Variants in FRYL observed in about 807,000 individuals in gnomAD.
FRYL encodes protein furry homolog-like.
In FRYL, 150 loss-of-function variants were observed where a neutral mutation model predicts 351.2. The observed-to-expected ratio is 0.43, with a 90% confidence interval of 0.37 to 0.49. FRYL has a LOEUF of 0.49. FRYL is among the 20% of genes least tolerant of loss of function. The pLI is 0.00. For synonymous variants in FRYL, 1,153 were observed against 1,257.1 expected (o/e 0.92, Z 1.75); for missense variants, 3,036 against 3,619.3 (o/e 0.84, Z 4.13).
chr4:48,654,695 T>C (rs1261489039), intron 3 of FRYL, among the ~76,000 whole-genome samples: 1 of 152,192 alleles, frequency 6.6e-6, no homozygotes, highest in Non-Finnish European at 1.5e-5. Context: ...GAAAATCTTA[T>C]AGTCAAAATG....
chr4:48,533,106 C>T (rs1728047602), intron 49 of FRYL, among the ~76,000 whole-genome samples: 2 of 152,084 alleles, frequency 1.3e-5, no homozygotes, highest in African/African-American at 4.8e-5. Context: ...GGGGAGTGTG[C>T]AGTTCACTTA....
rs774333317 is a variant in FRYL at position 48,634,349 on chromosome 4, A to G, written c.62T>C (p.Phe21Ser). The G allele has an allele frequency of 6.2e-7, 1 of 1,613,616 alleles. No individual in the cohort carries two copies. The highest frequency in any genetic ancestry group is 8.5e-7 in the Non-Finnish European group (1 of 1,179,726). Residue 21 changes from phenylalanine (F) to serine (S), a missense_variant, in exon 4 of 64, where the codon TTT (phenylalanine) becomes TCT (serine). By Grantham distance (155) the Phe-to-Ser change is radical (BLOSUM62 -2). Around this residue, in one of 7 missense-constraint regions of FRYL, gnomAD observed 457 missense variants for 566.6 expected, o/e 0.81. Coordinates refer to ENST00000358350, the MANE Select transcript of FRYL (RefSeq NM_015030.2). Reference protein sequence around the residue: ...KPGEYVIKSLFAEFAVQAEKK... With the variant: ...KPGEYVIKSLSAEFAVQAEKK... ...TTCAGCTTGAACAGCAAATTCTGCAAAGAGGCTCTTGATGACATATTCACC... is the reference window on the plus strand; with the variant it reads ...TTCAGCTTGAACAGCAAATTCTGCAGAGAGGCTCTTGATGACATATTCACC...
chr4:48,694,985 T>G (rs759362185), intron 2 of FRYL, among the ~76,000 whole-genome samples: 1 of 152,084 alleles, frequency 6.6e-6, no homozygotes, highest in Non-Finnish European at 1.5e-5. Flanking sequence ...TCACCTAAGC[T>G]TGGTAGGTAG....
chr4:48,535,686 T>C lies in FRYL; in HGVS notation c.6535A>G (p.Thr2179Ala). Reference protein sequence around the residue: ...RYLHDSFSDTTFNLVTYLAEL... With the variant: ...RYLHDSFSDTAFNLVTYLAEL... The stretch of plus-strand genomic sequence containing the variant: ...GCAAGATAAGTCACAAGATTAAATG[T>C]TGTATCTGAGAAGGAGTCATGCAGG... The change falls in exon 48 of 64, where the codon ACA (threonine) becomes GCA (alanine). Residue 2179 changes from threonine to alanine, a missense_variant. By Grantham distance (58) the Thr-to-Ala change is moderately conservative. Transcript: ENST00000358350. 1.3e-6 allele frequency: 2 copies of C among 1,589,872 alleles called. No homozygotes were observed. The highest frequency in any genetic ancestry group is 1.2e-5 in the South Asian group (1 of 85,314).
intron 55 of FRYL, among the ~76,000 whole-genome samples, chr4:48,518,253 A>T (rs1027482523): frequency 6.6e-6 from 1 of 152,198 alleles, no homozygotes; most frequent in African/African-American, 2.4e-5. Context: ...TGAAAGGAAT[A>T]TAGTCTACTT....
intron 17 of FRYL, among the ~76,000 whole-genome samples, chr4:48,590,299 G>C (rs1450429038): frequency 2.6e-5 from 4 of 151,996 alleles, no homozygotes; most frequent in African/African-American, 4.8e-5. Flanking sequence ...GCCTGGTCAA[G>C]GTGGCAAAAC....
chr4:48,543,776 C>A, intron 44 of FRYL, 31 bp downstream of exon 44: 2 of 1,590,520 alleles, frequency 1.3e-6, no homozygotes, highest in South Asian at 2.2e-5. Flanking sequence ...AGTAGCTGCT[C>A]AATAACTGCT....
At chr4:48,753,968 TAA>T (rs1225077240) in intron 1 of FRYL, among the ~76,000 whole-genome samples, 4 of 152,204 alleles carry the variant, frequency 2.6e-5, no homozygotes, top group Non-Finnish European at 5.9e-5. Flanking sequence ...ACCATAAATG[TAA>T]AGACTTATTT....
chr4:48,661,626 G>T (rs1200485732), intron 3 of FRYL, among the ~76,000 whole-genome samples: 1 of 152,172 alleles, frequency 6.6e-6, no homozygotes. Flanking sequence ...GCAAGTAACT[G>T]CCTTCCAAAA....
intron 2 of FRYL, among the ~76,000 whole-genome samples, chr4:48,686,632 G>A (rs1486422062): frequency 1.3e-5 from 2 of 152,164 alleles, no homozygotes; most frequent in South Asian, 2.1e-4. Flanking sequence ...CACAAAACCA[G>A]TCACTACTGG....
At position 48,675,397 on chromosome 4, in the gene FRYL, TC is replaced by T. The variant is rs1393237278; in HGVS notation, c.-81+9275del. 5.9e-5 allele frequency among the ~76,000 whole-genome samples: 9 copies of T among 152,302 alleles called. No homozygotes were observed. The East Asian group carries it at 1.7e-3, about 29-fold the overall frequency. The stretch of plus-strand genomic sequence containing the variant: ...GCGGCGCTTGCGGGCCAGCTGGAGT[TC>T]CGGGTGGGCGTGGGCTTGCCAGGCC... On this transcript the variant is annotated intron_variant, in intron 3 of 63. Coordinates refer to ENST00000358350, the MANE Select transcript of FRYL (RefSeq NM_015030.2).
intron 24 of FRYL, 113 bp from the exon 25 acceptor site, chr4:48,575,354 T>A: frequency 9.1e-7 from 1 of 1,102,548 alleles, no homozygotes; most frequent in African/African-American, 1.6e-5. Context: ...GAAACTTTAC[T>A]ATGAATGATA....
chr4:48,514,427 A>G (rs188999613), intron 56 of FRYL, among the ~76,000 whole-genome samples: 1 of 152,282 alleles, frequency 6.6e-6, no homozygotes, highest in East Asian at 1.9e-4. Flanking sequence ...AGCTATATAT[A>G]ACATATGATT....
chr4:48,504,311 G>GA (rs1380850271), intron 60 of FRYL, among the ~76,000 whole-genome samples: 1 of 152,098 alleles, frequency 6.6e-6, no homozygotes, highest in African/African-American at 2.4e-5. Flanking sequence ...AAATATAAAT[G>GA]AAAGTGTTAA....
intron 1 of FRYL, among the ~76,000 whole-genome samples, chr4:48,746,855 C>T (rs1334456876): frequency 6.6e-6 from 1 of 152,190 alleles, no homozygotes; most frequent in South Asian, 2.1e-4. Context: ...AGGCCAGGTG[C>T]TAGACATGTG....
chr4:48,591,201 T>C (rs1172986526), intron 16 of FRYL, among the ~76,000 whole-genome samples: 2 of 152,138 alleles, frequency 1.3e-5, no homozygotes, highest in Non-Finnish European at 2.9e-5. Flanking sequence ...ATCTCTCAAT[T>C]ACAAATCACA....
In FRYL at chr4:48,715,547, C is replaced by T. The variant is rs1334776690; in HGVS notation, c.-383-4849G>A. Among the ~76,000 whole-genome samples the T allele has an allele frequency of 2.4e-3, 362 of 149,696 alleles. 2 individuals are homozygous for T. The highest frequency in any genetic ancestry group is 3.7e-3 in the Non-Finnish European group (251 of 67,252). ...AATTGCTTCAAAGAGAATAAAATACCTAGGAATCCAACTTACAAGGGATGT... is the reference window on the plus strand; with the variant it reads ...AATTGCTTCAAAGAGAATAAAATACTTAGGAATCCAACTTACAAGGGATGT... On this transcript the variant is annotated intron_variant, in intron 1 of 63. Coordinates refer to ENST00000358350, the MANE Select transcript of FRYL (RefSeq NM_015030.2).
chr4:48,628,276 C>T (rs1205831493), intron 4 of FRYL, among the ~76,000 whole-genome samples: 2 of 152,006 alleles, frequency 1.3e-5, no homozygotes, highest in Admixed American at 6.6e-5. Context: ...TCAATAGAGA[C>T]TGATTTAAAA....
chr4:48,638,291 T>A (rs1754658440), intron 3 of FRYL: 1 of 152,188 alleles, frequency 6.6e-6, no homozygotes, highest in Admixed American at 6.5e-5. Context: ...TTATTATTTA[T>A]ACACCATATT....
Sources: gnomAD v4.1 joint callset for allele counts (sites outside exome capture counted in the v4.1 genomes callset) on GRCh38, gnomAD v4.1.1 for gene constraint, gnomAD v4.1.1 regional missense constraint, MANE v1.5 for transcripts, NCBI Gene and HGNC (gene_info 2026-07-23, HGNC 2026-07-21) for gene names.